Variants in GABRB1 observed in about 807,000 individuals in gnomAD.
GABRB1 encodes gamma-aminobutyric acid type A receptor subunit beta1, also known as gamma-aminobutyric acid receptor subunit beta-1.
Under a neutral mutation model 51.6 loss-of-function variants are expected in GABRB1, and 17 were observed. The observed-to-expected ratio is 0.33, with a 90% CI of 0.23 to 0.49. The LOEUF is 0.49. Among genes scored for constraint, GABRB1 ranks in the 20% least tolerant of loss-of-function variants. The pLI, the probability that GABRB1 is intolerant of heterozygous loss-of-function variation, is 0.99. For synonymous variants in GABRB1, 247 were observed against 218.9 expected (o/e 1.13, Z -1.14); for missense variants, 410 against 600.6 (o/e 0.68, Z 3.32).
chr4:47,405,350 G>A (rs1033676375), intron 7 of GABRB1, among the ~76,000 whole-genome samples: 14 of 152,110 alleles, frequency 9.2e-5, no homozygotes, highest in Admixed American at 2.0e-4. Context: ...AAATGAATGC[G>A]AAACTATTTT....
intron 8 of GABRB1, among the ~76,000 whole-genome samples, chr4:47,409,266 T>A (rs1728680290): frequency 6.6e-6 from 1 of 152,172 alleles, no homozygotes; most frequent in African/African-American, 2.4e-5. Context: ...GCCTTTTTGG[T>A]ACCCAGGTTC....
chr4:47,300,372 A>C (rs1483515583), intron 4 of GABRB1, among the ~76,000 whole-genome samples: 1 of 152,184 alleles, frequency 6.6e-6, no homozygotes, highest in Non-Finnish European at 1.5e-5. Flanking sequence ...CATTGTAAAA[A>C]TTATCTTCAA....
At chr4:47,112,428 G>A (rs1311769541) in intron 3 of GABRB1, among the ~76,000 whole-genome samples, 1 of 152,152 alleles carries the variant, frequency 6.6e-6, no homozygotes, top group African/African-American at 2.4e-5. Flanking sequence ...CTACAATTGT[G>A]TTACTATATA....
At chr4:47,241,421 C>A (rs943899505) in intron 4 of GABRB1, among the ~76,000 whole-genome samples, 19 of 152,094 alleles carry the variant, frequency 1.2e-4, no homozygotes, top group African/African-American at 3.6e-4. Context: ...CTGAGGAAGA[C>A]CACAAATGTG....
At chr4:47,040,112 C>A (rs910621830) in intron 3 of GABRB1, among the ~76,000 whole-genome samples, 1 of 152,148 alleles carries the variant, frequency 6.6e-6, no homozygotes, top group African/African-American at 2.4e-5. Flanking sequence ...GTGTCCTCCA[C>A]TTTCATTTTA....
At chr4:47,106,648 C>G (rs542598736) in intron 3 of GABRB1, among the ~76,000 whole-genome samples, 135 of 152,106 alleles carry the variant, frequency 8.9e-4, no homozygotes, top group Middle Eastern at 6.8e-3. Context: ...TAGCCTTGGT[C>G]TACATTAACT....
chr4:47,208,485 C>A (rs1720226152), intron 4 of GABRB1, among the ~76,000 whole-genome samples: 1 of 151,896 alleles, frequency 6.6e-6, no homozygotes, highest in Non-Finnish European at 1.5e-5. Flanking sequence ...CCTCAAATGT[C>A]AAATTTAAAG....
intron 3 of GABRB1, among the ~76,000 whole-genome samples, chr4:47,121,798 T>C (rs1387163575): frequency 1.3e-5 from 2 of 152,238 alleles, no homozygotes; most frequent in East Asian, 3.8e-4. Flanking sequence ...AATTTTGAGA[T>C]GGTTTTCTTA....
At chr4:47,243,561 G>A (rs560298743) in intron 4 of GABRB1, among the ~76,000 whole-genome samples, 10 of 152,134 alleles carry the variant, frequency 6.6e-5, no homozygotes, top group East Asian at 1.9e-4. Context: ...CTTTTATTTC[G>A]TTGAGCCATG....
intron 5 of GABRB1, among the ~76,000 whole-genome samples, chr4:47,390,638 T>C (rs1727954806): frequency 6.6e-6 from 1 of 152,216 alleles, no homozygotes. Flanking sequence ...ATAGTTATTG[T>C]TGCTAGGAAA....
intron 5 of GABRB1, among the ~76,000 whole-genome samples, chr4:47,332,676 C>T (rs1560337563): frequency 6.6e-6 from 1 of 152,050 alleles, no homozygotes; most frequent in Non-Finnish European, 1.5e-5. Context: ...AAGTTGATTC[C>T]AATATGCAGC....
rs1196501828 is a variant in GABRB1 at position 47,075,370 on chromosome 4, C to T, written c.240+42886C>T. Among the ~76,000 whole-genome samples, 3 of 152,012 alleles carry T rather than the reference C, an allele frequency of 2.0e-5. No individual in the cohort carries two copies. The East Asian group carries it at 5.8e-4, about 29-fold the overall frequency. ...CGTTACAGTAATTAATTCAGTTGTT[C>T]ATATAGAAATTAAACCTGCAGTGCA... On this transcript the variant is annotated intron_variant, in intron 3 of 8. Transcript: ENST00000295454.
intron 8 of GABRB1, among the ~76,000 whole-genome samples, chr4:47,423,013 C>T (rs2110068561): frequency 6.6e-6 from 1 of 152,156 alleles, no homozygotes; most frequent in Non-Finnish European, 1.5e-5. Context: ...CTAGTCCAGG[C>T]CCTCATTATC....
chr4:47,007,140 G>A (rs1458294133), intron 1 of GABRB1, among the ~76,000 whole-genome samples: 14 of 78,268 alleles, frequency 1.8e-4, no homozygotes, highest in African/African-American at 5.8e-4. Context: ...ACCCTGTTTG[G>A]ATAAAAAAAA....
At chr4:47,349,665 T>C (rs1477804711) in intron 5 of GABRB1, among the ~76,000 whole-genome samples, 2 of 152,150 alleles carry the variant, frequency 1.3e-5, no homozygotes, top group African/African-American at 4.8e-5. Context: ...ATCTCAGTTA[T>C]CAGATAAACA....
At chr4:47,377,100 C>T (rs1301995688) in intron 5 of GABRB1, among the ~76,000 whole-genome samples, 1 of 152,108 alleles carries the variant, frequency 6.6e-6, no homozygotes, top group Non-Finnish European at 1.5e-5. Flanking sequence ...CATTACAGTG[C>T]TTGAACATAG....
At chr4:47,404,671 C>A (rs1728510022) in intron 7 of GABRB1, among the ~76,000 whole-genome samples, 1 of 152,178 alleles carries the variant, frequency 6.6e-6, no homozygotes, top group Non-Finnish European at 1.5e-5. Context: ...ATAAAGCTCA[C>A]AAAGTCAAGT....
At chr4:47,130,184 C>T (rs1264537562) in intron 3 of GABRB1, among the ~76,000 whole-genome samples, 1 of 152,104 alleles carries the variant, frequency 6.6e-6, no homozygotes, top group Non-Finnish European at 1.5e-5. Context: ...TGTCACTCTC[C>T]TGCTTAAATC....
intron 4 of GABRB1, among the ~76,000 whole-genome samples, chr4:47,173,950 A>T (rs1457040075): frequency 6.6e-6 from 1 of 152,180 alleles, no homozygotes; most frequent in Non-Finnish European, 1.5e-5. Flanking sequence ...TTGCCTAACC[A>T]TGAAACTTTA....
Sources: allele counts gnomAD v4.1 joint callset (sites outside exome capture counted in the v4.1 genomes callset), GRCh38; gene constraint gnomAD v4.1.1; transcripts MANE v1.5; gene names NCBI Gene and HGNC (gene_info 2026-07-23, HGNC 2026-07-21).